POGZ: variants seen among roughly 807,000 people sequenced by gnomAD.
The protein encoded by POGZ is pogo transposable element derived with ZNF domain.
POGZ carries 17 observed loss-of-function variants against 134.6 expected under a neutral mutation model. The ratio of observed to expected loss-of-function variants is 0.13; its 90% confidence interval spans 0.09 to 0.19. The LOEUF (loss-of-function observed/expected upper bound fraction) is 0.19. Among genes scored for constraint, POGZ ranks in the 10% least tolerant of loss-of-function variants. The pLI, the probability that POGZ is intolerant of heterozygous loss-of-function variation, is 1.00. For synonymous variants in POGZ, 693 were observed against 657.1 expected, an observed-to-expected ratio of 1.05 and a Z score of -0.84; for missense variants, 1,306 against 1,769.7, an observed-to-expected ratio of 0.74 and a Z score of 4.70.
At chr1:151,429,742 T>A (rs779566730) in intron 4 of POGZ, 31 bp from the exon 5 acceptor site, 1 of 1,279,378 alleles carries the variant, frequency 7.8e-7, no homozygotes, top group Admixed American at 1.7e-5. Flanking sequence ...ATCTTTAACA[T>A]GGAGACCAAT....
rs1653069549 is a variant in POGZ at position 151,403,581 on chromosome 1, T to G, written c.*1221A>C. On this transcript the variant is annotated 3_prime_UTR_variant, in exon 19 of 19. Transcript: ENST00000271715. ...AATTAAAAAAATCCCTCATGCAAAT[T>G]GTAGAAAAAATTTTCTTTCCTTGAA... 1 of 985,780 alleles carries G rather than the reference T, an allele frequency of 1.0e-6. No individual in the cohort carries two copies. Among genetic ancestry groups the G allele is most frequent in the Non-Finnish European group, 1.2e-6 (1 of 829,898 alleles). The allele number at this position is 985,780 out of a possible 1,614,324, so 61.1% of individuals were successfully genotyped here. A position where few individuals can be genotyped will look rare whatever the true frequency, so the allele number is the denominator to read the frequency against.
chr1:151,408,386 A>G, intron 14 of POGZ, 23 bp downstream of exon 14: 3 of 1,541,328 alleles, frequency 1.9e-6, no homozygotes, highest in Non-Finnish European at 2.6e-6. Context: ...CCACCCGCCC[A>G]GCACTTAGAA....
At chr1:151,434,512 GAAATA>G (rs1659262694) in intron 3 of POGZ, among the ~76,000 whole-genome samples, 1 of 152,088 alleles carries the variant, frequency 6.6e-6, no homozygotes, top group Non-Finnish European at 1.5e-5. Flanking sequence ...AGAAACAAAT[GAAATA>G]AAACAATCCA....
chr1:151,458,609 C>T (rs1164100810), intron 1 of POGZ, among the ~76,000 whole-genome samples: 2 of 147,948 alleles, frequency 1.4e-5, no homozygotes, highest in African/African-American at 4.9e-5. Flanking sequence ...GCTCCGCCGC[C>T]GCCCGCCCCT....
At position 151,408,162 on chromosome 1, in the gene POGZ, T is replaced by G. The variant is rs780596269; in HGVS notation, c.2313A>C (p.Val771=). The change falls in exon 15 of 19, where the codon GTA becomes GTC. Residue 771 remains valine (V), a synonymous_variant. Coordinates refer to ENST00000271715, the MANE Select transcript of POGZ (RefSeq NM_015100.4). ...PDFPNHFPTY[V]HCSLCRYSTC... ...TGCTATAGCGACACAGAGAGCAGTG[T>G]ACGTAAGTAGGGAAATGATTAGGGA... 3.7e-6 allele frequency: 6 copies of G among 1,613,312 alleles called. No individual in the cohort carries two copies. The highest frequency in any genetic ancestry group is 5.1e-6 in the Non-Finnish European group (6 of 1,179,604).
chr1:151,424,438 A>C, intron 8 of POGZ, 152 bp from the exon 9 acceptor site: 2 of 550,418 alleles, frequency 3.6e-6, no homozygotes, highest in Non-Finnish European at 6.3e-6. Flanking sequence ...TCCAAGTTTT[A>C]CTCCTTTTCT....
chr1:151,441,812 T>TA (rs1660581287), intron 2 of POGZ, among the ~76,000 whole-genome samples: 1 of 152,242 alleles, frequency 6.6e-6, no homozygotes, highest in African/African-American at 2.4e-5. Flanking sequence ...ATACATCTTT[T>TA]AGTAAGAAGA....
In POGZ at chr1:151,403,706, G is replaced by A. The variant is rs1054069908; in HGVS notation, c.*1096C>T. On this transcript the variant is annotated 3_prime_UTR_variant, in exon 19 of 19. Coordinates refer to ENST00000271715, the MANE Select transcript of POGZ (RefSeq NM_015100.4). ...TCCCTAAGTATTAAGAGAAATAGGGGAAAGCCACAGAGCACGCTGGATTTC... is the reference window on the plus strand; with the variant it reads ...TCCCTAAGTATTAAGAGAAATAGGGAAAAGCCACAGAGCACGCTGGATTTC... 1.0e-6 allele frequency: 1 copy of A among 985,858 alleles called. No individual in the cohort carries two copies. Among genetic ancestry groups the A allele is most frequent in the African/African-American group, 1.7e-5 (1 of 57,360 alleles). 61.1% of individuals were successfully genotyped at this position (985,858 alleles called of 1,614,324 possible).
intron 17 of POGZ, 68 bp from the exon 18 acceptor site, chr1:151,406,699 T>A: frequency 7.3e-7 from 1 of 1,361,662 alleles, no homozygotes; most frequent in Non-Finnish European, 1.0e-6. Context: ...GACAGTGCCC[T>A]GGGATTCAAC....
At chr1:151,419,694 A>AAG (rs367995285) in intron 10 of POGZ, among the ~76,000 whole-genome samples, 5 of 150,108 alleles carry the variant, frequency 3.3e-5, no homozygotes, top group African/African-American at 1.2e-4. Flanking sequence ...AAAAAAAAAA[A>AAG]ACTACTTTCA....
At position 151,429,691 on chromosome 1, in the gene POGZ, G is replaced by C; in HGVS notation, c.480C>G (p.Val160=). 1 of 1,611,204 alleles carries C rather than the reference G, an allele frequency of 6.2e-7. No homozygotes were observed. The highest frequency in any genetic ancestry group is 8.5e-7 in the Non-Finnish European group (1 of 1,177,674). ...GATTCATTGCATTTTGTACAGGCCG[G>C]ACATTCCTTACAGGAAATCCCTGTA... ...ITTQGFPVRN[V]RPVQNAMNQV... is the part of the protein sequence containing the mutation. The change falls in exon 5 of 19, where the codon GTC becomes GTG. Residue 160 remains valine (V), a synonymous_variant. Transcript: ENST00000271715.
intron 1 of POGZ, among the ~76,000 whole-genome samples, chr1:151,454,765 G>C (rs923548349): frequency 2.6e-5 from 4 of 152,164 alleles, no homozygotes; most frequent in African/African-American, 9.7e-5. Flanking sequence ...CTAACACCTA[G>C]CAATAGGTTA....
At chr1:151,450,775 C>A (rs1661949755) in intron 1 of POGZ, 2 of 150,190 alleles carry the variant, frequency 1.3e-5, no homozygotes, top group South Asian at 4.1e-4. Context: ...AGGGCAATGC[C>A]TCAAAGTGAC....
chr1:151,443,874 C>G (rs1660907992), intron 1 of POGZ, among the ~76,000 whole-genome samples: 1 of 152,160 alleles, frequency 6.6e-6, no homozygotes, highest in Non-Finnish European at 1.5e-5. Context: ...TCAAACAAAG[C>G]CTTTACTGTA....
At chr1:151,422,286 G>A (rs1301032508) in intron 10 of POGZ, among the ~76,000 whole-genome samples, 1 of 152,056 alleles carries the variant, frequency 6.6e-6, no homozygotes, top group African/African-American at 2.4e-5. Context: ...ATCTTAAAAT[G>A]TCTATGTTTA....
At chr1:151,434,213 G>A (rs1288803766) in intron 3 of POGZ, among the ~76,000 whole-genome samples, 3 of 152,190 alleles carry the variant, frequency 2.0e-5, no homozygotes, top group Non-Finnish European at 4.4e-5. Flanking sequence ...GAGTGACTGA[G>A]GCATGACAAT....
intron 7 of POGZ, chr1:151,426,285 C>G (rs555996557): frequency 5.3e-4 from 81 of 151,850 alleles, no homozygotes; most frequent in African/African-American, 1.9e-3. Context: ...CTTCCAGGTT[C>G]AAGCAATTCT....
intron 1 of POGZ, among the ~76,000 whole-genome samples, chr1:151,451,325 A>AT (rs1044986856): frequency 2.6e-5 from 4 of 151,404 alleles, no homozygotes; most frequent in East Asian, 2.0e-4. Flanking sequence ...TATTTATTTT[A>AT]TTTTTTTTTA....
intron 1 of POGZ, among the ~76,000 whole-genome samples, chr1:151,448,184 T>C (rs542544798): frequency 2.7e-4 from 41 of 152,196 alleles, no homozygotes; most frequent in Non-Finnish European, 3.1e-4. Context: ...AAAAAAATTT[T>C]CTCCTGAAAT....
Sources: allele counts gnomAD v4.1 joint callset (sites outside exome capture counted in the v4.1 genomes callset), GRCh38; gene constraint gnomAD v4.1.1; transcripts MANE v1.5; gene names NCBI Gene and HGNC (gene_info 2026-07-23, HGNC 2026-07-21).